The following FGFR1 variants were observed in gnomAD, a reference collection of about 807,000 sequenced individuals.
FGFR1 encodes fibroblast growth factor receptor 1, also known as FGFR1/PLAG1 fusion.
A neutral mutation model predicts 93.7 loss-of-function variants in FGFR1; 18 were observed. The ratio of observed to expected loss-of-function variants is 0.19; its 90% CI spans 0.13 to 0.28. The LOEUF is 0.28. Ranked by LOEUF, FGFR1 falls within the 10% of genes least tolerant of loss-of-function variation. The probability of loss-of-function intolerance (pLI) is 1.00; values close to 1 mark genes in which losing one functional copy is unlikely to be tolerated. For missense variants in FGFR1, 731 were observed against 1,080.4 expected (o/e 0.68, Z 4.53); for synonymous variants, 448 against 429.3 (o/e 1.04, Z -0.54).
chr8:38,416,848 G>A (rs1202333015), intron 12 of FGFR1, among the ~76,000 whole-genome samples: 1 of 152,118 alleles, frequency 6.6e-6, no homozygotes, highest in African/African-American at 2.4e-5. Flanking sequence ...CACCTCCCGG[G>A]TTCAAGCAAG....
chr8:38,444,681 C>T (rs1828751292), intron 2 of FGFR1, among the ~76,000 whole-genome samples: 1 of 151,654 alleles, frequency 6.6e-6, no homozygotes, highest in South Asian at 2.1e-4. Context: ...CATGAGCCAC[C>T]ATGCCCAGCC....
chr8:38,437,090 G>C (rs1825714692), intron 2 of FGFR1, among the ~76,000 whole-genome samples: 1 of 152,148 alleles, frequency 6.6e-6, no homozygotes, highest in Admixed American at 6.5e-5. Context: ...ATGTTGGCCA[G>C]GCTGGTCTTG....
rs140254426 is a variant in FGFR1, at chr8:38,429,832, C to T, written c.208G>A (p.Gly70Arg). ...CGGTTGCTTTCCGCCAGCTGCACCC[C>T]GTCCCGCAGCCAGTTGATGCTCTGC... ...DVQSINWLRDGVQLAESNRTR... is the reference protein window; with the variant it reads ...DVQSINWLRDRVQLAESNRTR... The change falls in exon 3 of 18, where the codon GGG becomes AGG. Residue 70 changes from glycine (G) to arginine (R), a missense_variant. Gly to Arg is a moderately radical substitution (Grantham distance 125). Coordinates refer to ENST00000447712, the MANE Select transcript of FGFR1 (RefSeq NM_023110.3). The surrounding 1 kb of genome is among the most constrained non-coding windows in gnomAD (Gnocchi z 4.4). 7 of 1,613,774 alleles carry T rather than the reference C, an allele frequency of 4.3e-6. No homozygotes were observed. The highest frequency in any genetic ancestry group is 1.3e-5 in the African/African-American group (1 of 74,914).
chr8:38,421,724 A>G (rs1354816451), intron 8 of FGFR1, 73 bp downstream of exon 8: 4 of 1,524,756 alleles, frequency 2.6e-6, no homozygotes, highest in Admixed American at 1.7e-5. Flanking sequence ...TGTCTCCCCA[A>G]GCCTGGAAAT....
At chr8:38,421,655 TGGGG>T (rs764098900) in intron 8 of FGFR1, 138 bp downstream of exon 8, 3 of 888,720 alleles carry the variant, frequency 3.4e-6, no homozygotes, top group Non-Finnish European at 1.9e-6. Context: ...CCCTCAAAGC[TGGGG>T]CAGGATGTGG....
chr8:38,444,385 G>T (rs921715127), intron 2 of FGFR1, among the ~76,000 whole-genome samples: 2 of 138,102 alleles, frequency 1.4e-5, no homozygotes, highest in African/African-American at 5.3e-5. Context: ...AACATGGTTC[G>T]GGTTTTTTTT....
rs1019589019 is a variant in FGFR1 at position 38,416,044 on chromosome 8, G to A, written c.1680C>T (p.Ile560=). 7 of 1,612,594 alleles carry A rather than the reference G, an allele frequency of 4.3e-6. No homozygotes were observed. Among genetic ancestry groups the A allele is most frequent in the Non-Finnish European group, 5.1e-6 (6 of 1,179,778 alleles). Residue 560 remains isoleucine (I), a synonymous_variant, in exon 13 of 18, where the codon ATC becomes ATT. Transcript: ENST00000447712. ...GGTTGCCCTTGGAGGCATACTCCAC[G>A]ATGACATACAAGGGACCTGCAGGCA... ...ACTQDGPLYV[I]VEYASKGNLR...
Position 38,429,961 on chromosome 8 carries a change from C to T in FGFR1, c.92-13G>A, listed in dbSNP as rs373032952. The T allele has an allele frequency of 7.4e-5, 118 of 1,596,308 alleles. No individual in the cohort carries two copies. The highest frequency in any genetic ancestry group is 2.9e-4 in the African/African-American group (22 of 74,722). On this transcript the variant is annotated splice_polypyrimidine_tract_variant and intron_variant, in intron 2 of 17. Coordinates refer to ENST00000447712, the MANE Select transcript of FGFR1 (RefSeq NM_023110.3). This position sits in a 1 kb window ranked among gnomAD's most constrained non-coding sequence, Gnocchi z 4.4. ...CCCCAGGGCTGGGCTGCAGCCACCACGGGGCCGGGAAGGGAAGCCAAGGGG... is the reference window on the plus strand; with the variant it reads ...CCCCAGGGCTGGGCTGCAGCCACCATGGGGCCGGGAAGGGAAGCCAAGGGG...
rs886062915 is a variant in FGFR1, at chr8:38,413,315, A to G, written c.*313T>C. The stretch of plus-strand genomic sequence containing the variant: ...GAAGCTCTCACTTGCATGCCTGTTC[A>G]TTGGCTCCCACTCCCTGCCCTCCAG... On this transcript the variant is annotated 3_prime_UTR_variant, in exon 18 of 18. Coordinates refer to ENST00000447712, the MANE Select transcript of FGFR1 (RefSeq NM_023110.3). This position sits in a 1 kb window ranked among gnomAD's most constrained non-coding sequence, Gnocchi z 4.2. 1 of 457,262 alleles carries G rather than the reference A, an allele frequency of 2.2e-6. No homozygotes were observed. The highest frequency in any genetic ancestry group is 3.9e-6 in the Non-Finnish European group (1 of 254,748). The allele number at this position is 457,262 out of a possible 1,614,324, so 28.3% of individuals were successfully genotyped here. A position where few individuals can be genotyped will look rare whatever the true frequency, so the allele number is the denominator to read the frequency against.
Position 38,443,347 on chromosome 8 carries a change from C to G in FGFR1, c.92-13399G>C, listed in dbSNP as rs1045790707. 2.6e-5 allele frequency among the ~76,000 whole-genome samples: 4 copies of G among 152,086 alleles called. No homozygotes were observed. In the East Asian group the frequency reaches 7.7e-4, roughly 29 times the overall value. ...ACCGTACCCGACGATTATACATAACCATTATGCATCAATTACAAATTTAAA... is the reference window on the plus strand; with the variant it reads ...ACCGTACCCGACGATTATACATAACGATTATGCATCAATTACAAATTTAAA... On this transcript the variant is annotated intron_variant, in intron 2 of 17. Coordinates refer to ENST00000447712, the MANE Select transcript of FGFR1 (RefSeq NM_023110.3).
Position 38,424,452 on chromosome 8 carries a change from C to T in FGFR1, c.936+57G>A, listed in dbSNP as rs775840110. ...GCCTGCCCACAGGAACTTGAGCCCC[C>T]GAGACAGTGGTCTCCTTCCCAGTAG... On this transcript the variant is annotated intron_variant, in intron 7 of 17. Transcript: ENST00000447712. This position sits in a 1 kb window ranked among gnomAD's most constrained non-coding sequence, Gnocchi z 4.3. 9.2e-5 allele frequency: 148 copies of T among 1,603,570 alleles called. 1 individual carries two copies. The highest frequency in any genetic ancestry group is 6.6e-4 in the Middle Eastern group (4 of 6,064).
chr8:38,428,311 C>T (rs1267035520), intron 4 of FGFR1, 35 bp downstream of exon 4: 2 of 1,603,580 alleles, frequency 1.2e-6, no homozygotes, highest in Non-Finnish European at 1.7e-6. Flanking sequence ...AATGCCCAGA[C>T]CCAAAGGGCA....
At chr8:38,453,645 T>C (rs1831824173) in intron 2 of FGFR1, among the ~76,000 whole-genome samples, 1 of 152,190 alleles carries the variant, frequency 6.6e-6, no homozygotes. Context: ...CTCACACCTA[T>C]AGTCCCAGCA....
At position 38,429,814 on chromosome 8, in the gene FGFR1, T is replaced by C. The variant is rs777425797; in HGVS notation, c.226A>G (p.Ser76Gly). ...TCCCCTGTGATGCGGGTGCGGTTGCTTTCCGCCAGCTGCACCCCGTCCCGC... is the reference window on the plus strand; with the variant it reads ...TCCCCTGTGATGCGGGTGCGGTTGCCTTCCGCCAGCTGCACCCCGTCCCGC... ...WLRDGVQLAESNRTRITGEEV... is the reference protein window; with the variant it reads ...WLRDGVQLAEGNRTRITGEEV... The change falls in exon 3 of 18, where the codon AGC becomes GGC. Residue 76 changes from serine (S) to glycine (G), a missense_variant. Transcript: ENST00000447712. The surrounding 1 kb of genome is among the most constrained non-coding windows in gnomAD (Gnocchi z 4.4). 1.2e-6 allele frequency: 2 copies of C among 1,613,676 alleles called. No homozygotes were observed. The highest frequency in any genetic ancestry group is 1.3e-5 in the African/African-American group (1 of 74,928).
chr8:38,425,588 G>T (rs535317207), intron 6 of FGFR1, among the ~76,000 whole-genome samples: 2 of 152,294 alleles, frequency 1.3e-5, no homozygotes, highest in Admixed American at 1.3e-4. Flanking sequence ...GAAGGAAAAG[G>T]TTGCGGTAAT....
At position 38,419,582 on chromosome 8, in the gene FGFR1, A is replaced by G; in HGVS notation, c.1235T>C (p.Met412Thr). ...GCTCTTGGCCAGCTTGTGCACAGCC[A>G]TCTGGCTGTGGAAGTCACTCTTCTT... Reference protein sequence around the residue: ...GTKKSDFHSQMAVHKLAKSIP... With the variant: ...GTKKSDFHSQTAVHKLAKSIP... The change falls in exon 9 of 18, where the codon ATG (methionine) becomes ACG (threonine). Residue 412 changes from methionine (M) to threonine (T), a missense_variant. Transcript: ENST00000447712. The G allele has an allele frequency of 6.2e-7, 1 of 1,614,156 alleles. No homozygotes were observed. Among genetic ancestry groups the G allele is most frequent in the Non-Finnish European group, 8.5e-7 (1 of 1,180,024 alleles).
intron 9 of FGFR1, 199 bp from the exon 10 acceptor site, chr8:38,418,572 TG>T: frequency 3.2e-6 from 2 of 619,622 alleles, no homozygotes; most frequent in Non-Finnish European, 5.6e-6. Context: ...TGCCACAAGC[TG>T]GCCTTTCTGG....
chr8:38,421,309 ACCT>A (rs1818679204), intron 8 of FGFR1, among the ~76,000 whole-genome samples: 1 of 152,116 alleles, frequency 6.6e-6, no homozygotes, highest in African/African-American at 2.4e-5. Flanking sequence ...GTCCAGGCTG[ACCT>A]CCTTCTTCAA....
chr8:38,429,120 G>T lies in FGFR1; in HGVS notation c.358+562C>A. ...CCCTGAGGTGCATAAATGGCATAAA[G>T]AAAATTTCAGCTCCACTTCCTCAAC... On this transcript the variant is annotated intron_variant, in intron 3 of 17. Coordinates refer to ENST00000447712, the MANE Select transcript of FGFR1 (RefSeq NM_023110.3). This position sits in a 1 kb window ranked among gnomAD's most constrained non-coding sequence, Gnocchi z 4.4. 2.8e-6 allele frequency: 1 copy of T among 362,042 alleles called. No homozygotes were observed. The allele number at this position is 362,042 out of a possible 1,614,324, so 22.4% of individuals were successfully genotyped here.
Sources: gnomAD v4.1 joint callset for allele counts (sites outside exome capture counted in the v4.1 genomes callset) on GRCh38, gnomAD v4.1.1 for gene constraint, Gnocchi (gnomAD v3.1) non-coding constraint, MANE v1.5 for transcripts, NCBI Gene and HGNC (gene_info 2026-07-23, HGNC 2026-07-21) for gene names.